Variants in DAB1 observed in about 807,000 individuals in gnomAD.
DAB1 encodes the protein DAB adaptor protein 1, also known as disabled homolog 1.
A neutral mutation model predicts 64.6 loss-of-function variants in DAB1; 15 were observed. The ratio of observed to expected loss-of-function variants is 0.23; its 90% CI spans 0.16 to 0.36. The LOEUF (loss-of-function observed/expected upper bound fraction) is 0.36. Among genes scored for constraint, DAB1 ranks in the 10% least tolerant of loss-of-function variants. The probability of loss-of-function intolerance (pLI) is 1.00; values close to 1 mark genes in which losing one functional copy is unlikely to be tolerated. For synonymous variants in DAB1, 235 were observed against 251.9 expected (o/e 0.93, Z 0.64); for missense variants, 596 against 706.7 (o/e 0.84, Z 1.78).
intron 3 of DAB1, among the ~76,000 whole-genome samples, chr1:58,502,485 C>T (rs947427519): frequency 6.6e-6 from 1 of 152,176 alleles, no homozygotes; most frequent in Non-Finnish European, 1.5e-5. Context: ...TTTGTCTGTG[C>T]TCTCTAGTGC....
In DAB1 at chr1:57,800,283, TG is replaced by T. The variant is rs1475696450; in HGVS notation, n.551+83715del. 3.9e-5 allele frequency among the ~76,000 whole-genome samples: 6 copies of T among 152,144 alleles called. No homozygotes were observed. The East Asian group carries it at 1.2e-3, about 29-fold the overall frequency. ...AAAGGGAAGAATTCAAGAGATGTGC[TG>T]GAGACACAATCAGCAGGACCCAGGG... On this transcript the variant is annotated intron_variant and non_coding_transcript_variant, in intron 6 of 20. Coordinates refer to the DAB1 transcript ENST00000485760.
intron 7 of DAB1, among the ~76,000 whole-genome samples, chr1:57,516,284 C>T (rs1409788685): frequency 1.3e-5 from 2 of 152,044 alleles, no homozygotes; most frequent in African/African-American, 2.4e-5. Flanking sequence ...TAAGTACATA[C>T]TAATGTACAC....
chr1:58,173,290 C>T (rs970588414), intron 4 of DAB1, among the ~76,000 whole-genome samples: 25 of 152,190 alleles, frequency 1.6e-4, no homozygotes, highest in Admixed American at 1.6e-3. Context: ...TTACACTCTA[C>T]CACTTCAAAC....
intron 5 of DAB1, among the ~76,000 whole-genome samples, chr1:58,144,020 G>T (rs573102793): frequency 6.6e-6 from 1 of 152,206 alleles, no homozygotes; most frequent in East Asian, 1.9e-4. Flanking sequence ...TTTAAGGAGG[G>T]TCAGTACATT....
At chr1:57,468,912 G>A (rs577833929) in intron 7 of DAB1, among the ~76,000 whole-genome samples, 2 of 152,114 alleles carry the variant, frequency 1.3e-5, no homozygotes, top group Admixed American at 6.5e-5. Context: ...ATGGTGTAAG[G>A]TTACAGAGAT....
At chr1:58,087,035 A>G (rs1325565539) in intron 5 of DAB1, among the ~76,000 whole-genome samples, 1 of 151,984 alleles carries the variant, frequency 6.6e-6, no homozygotes, top group African/African-American at 2.4e-5. Context: ...ATTCTGGCTC[A>G]CTCACCTCCT....
chr1:57,022,984 A>G (rs141170891), intron 11 of DAB1, among the ~76,000 whole-genome samples: 128 of 152,368 alleles, frequency 8.4e-4, no homozygotes, highest in African/African-American at 2.9e-3. Context: ...TTTAAAGACT[A>G]TTTGAAAAAC....
chr1:58,127,599 C>T (rs1570389615), intron 5 of DAB1, among the ~76,000 whole-genome samples: 1 of 152,194 alleles, frequency 6.6e-6, no homozygotes, highest in Non-Finnish European at 1.5e-5. Flanking sequence ...TTAGGTCTAA[C>T]ATTTAACTCT....
intron 5 of DAB1, among the ~76,000 whole-genome samples, chr1:57,895,637 C>T (rs532383507): frequency 1.3e-5 from 2 of 152,288 alleles, no homozygotes; most frequent in East Asian, 1.9e-4. Context: ...GAGACTCCCA[C>T]ATTTTAAACC....
intron 3 of DAB1, among the ~76,000 whole-genome samples, chr1:58,495,182 C>A (rs1045707875): frequency 6.6e-6 from 1 of 152,116 alleles, no homozygotes; most frequent in Admixed American, 6.6e-5. Flanking sequence ...AAAAACTAAA[C>A]ACTGCAGGTT....
At chr1:57,055,958 T>C (rs1227134898) in intron 9 of DAB1, among the ~76,000 whole-genome samples, 2 of 152,216 alleles carry the variant, frequency 1.3e-5, no homozygotes, top group African/African-American at 4.8e-5. Context: ...CTCATTGCAC[T>C]GAGCTCATTC....
intron 1 of DAB1, among the ~76,000 whole-genome samples, chr1:57,329,123 A>G (rs568679324): frequency 3.9e-5 from 6 of 152,342 alleles, no homozygotes; most frequent in Middle Eastern, 3.4e-3. Flanking sequence ...ACAGCCTACA[A>G]CAATGGCCCC....
rs139563992 is a variant in DAB1 at position 57,000,098 on chromosome 1, C to T, written c.*16-1970G>A. Among the ~76,000 whole-genome samples, 537 of 140,636 alleles carry T rather than the reference C, an allele frequency of 3.8e-3. 2 individuals carry two copies. The highest frequency in any genetic ancestry group is 0.017 in the Middle Eastern group (4 of 230). 92.3% of individuals were successfully genotyped at this position (140,636 alleles called of 152,430 possible). On this transcript the variant is annotated intron_variant, in intron 14 of 14. Coordinates refer to ENST00000371236, the MANE Select transcript of DAB1 (RefSeq NM_001365792.1). ...TCACTCTGTCGCCCAGGCTAGAGTG[C>T]AGTGGCGCGATGTCGGCTCACTGCA...
intron 1 of DAB1, among the ~76,000 whole-genome samples, chr1:58,545,587 G>A (rs2100508232): frequency 6.6e-6 from 1 of 152,216 alleles, no homozygotes. Context: ...AGACTTCTAG[G>A]ATAACAAAAT....
At chr1:57,441,809 A>G (rs12735915) in intron 7 of DAB1, among the ~76,000 whole-genome samples, 4,810 of 152,328 alleles carry the variant, frequency 0.032, 86 homozygotes, top group South Asian at 0.056. Context: ...ATACCCAGTA[A>G]TGGGATTGCT....
chr1:57,833,065 GAA>G (rs3082004), intron 1 of DAB1, among the ~76,000 whole-genome samples: 2,234 of 145,068 alleles, frequency 0.015, 35 homozygotes, highest in South Asian at 0.043. Context: ...GACTGAGACT[GAA>G]AAAAAAAAAA....
intron 6 of DAB1, among the ~76,000 whole-genome samples, chr1:57,710,582 T>C (rs1411660359): frequency 6.6e-6 from 1 of 152,196 alleles, no homozygotes; most frequent in African/African-American, 2.4e-5. Context: ...CCCCAAGTTG[T>C]TGCGACTGGA....
intron 5 of DAB1, among the ~76,000 whole-genome samples, chr1:57,952,802 C>A (rs1004770789): frequency 3.3e-5 from 5 of 152,246 alleles, no homozygotes; most frequent in South Asian, 2.1e-4. Flanking sequence ...GAACAAGGTC[C>A]AACACCATCC....
chr1:57,032,626 G>A (rs1224214587), intron 9 of DAB1, among the ~76,000 whole-genome samples: 7 of 152,086 alleles, frequency 4.6e-5, no homozygotes, highest in Non-Finnish European at 7.4e-5. Flanking sequence ...GATCATCTGC[G>A]GAAAAATTAT....
Sources: allele counts gnomAD v4.1 joint callset (sites outside exome capture counted in the v4.1 genomes callset), GRCh38; gene constraint gnomAD v4.1.1; transcripts MANE v1.5; gene names NCBI Gene and HGNC (gene_info 2026-07-23, HGNC 2026-07-21).